NECAP2: variants seen among roughly 807,000 people sequenced by gnomAD.
NECAP2 encodes the protein adaptin ear-binding coat-associated protein 2.
Under a neutral mutation model 37.8 loss-of-function variants are expected in NECAP2, and 38 were observed. The ratio of observed to expected loss-of-function variants is 1.01; its 90% CI spans 0.78 to 1.32. The LOEUF (loss-of-function observed/expected upper bound fraction) is 1.32, where lower values mean the gene tolerates loss of function less well. NECAP2 is among the 40% of genes most tolerant of loss of function. The pLI is 0.00. For missense variants in NECAP2, 316 were observed against 334.5 expected, an observed-to-expected ratio of 0.94 and a Z score of 0.43; for synonymous variants, 121 against 127.7, an observed-to-expected ratio of 0.95 and a Z score of 0.35.
At chr1:16,455,959 T>C in intron 7 of NECAP2, 66 bp downstream of exon 7, 1 of 1,152,878 alleles carries the variant, frequency 8.7e-7, no homozygotes. Context: ...CCTGGTATTG[T>C]TCCACATGCC....
chr1:16,444,705 G>A (rs546095367), intron 2 of NECAP2, among the ~76,000 whole-genome samples: 1 of 152,362 alleles, frequency 6.6e-6, no homozygotes, highest in Non-Finnish European at 1.5e-5. Flanking sequence ...TGGAGAGGCA[G>A]CTGCCATGGC....
intron 5 of NECAP2, chr1:16,450,247 G>A: frequency 2.7e-6 from 1 of 370,014 alleles, no homozygotes; most frequent in Non-Finnish European, 5.2e-6. Flanking sequence ...GCCAGGTAGT[G>A]GTTTTTTTTT....
chr1:16,449,863 T>TTGGGCTGGGC (rs370942211), intron 5 of NECAP2: 3 of 218,788 alleles, frequency 1.4e-5, no homozygotes, highest in South Asian at 1.2e-4. Flanking sequence ...TAGGAACAGG[T>TTGGGCTGGGC]TGGGCTGGGC....
chr1:16,442,196 T>C (rs777491257), intron 1 of NECAP2, among the ~76,000 whole-genome samples: 6 of 152,210 alleles, frequency 3.9e-5, no homozygotes, highest in Admixed American at 6.5e-5. Context: ...CAGGCTGGTC[T>C]CGAACTCCCT....
At chr1:16,448,739 C>T (rs999773628) in intron 4 of NECAP2, among the ~76,000 whole-genome samples, 15 of 152,222 alleles carry the variant, frequency 9.9e-5, no homozygotes, top group Middle Eastern at 3.4e-3. Context: ...GTGTAGAGAC[C>T]GCATCTTAGT....
intron 1 of NECAP2, among the ~76,000 whole-genome samples, chr1:16,443,015 G>A (rs960857854): frequency 9.2e-5 from 14 of 152,214 alleles, no homozygotes; most frequent in Admixed American, 9.2e-4. Flanking sequence ...ATGTACTGTT[G>A]TTCTCCTTTT....
At chr1:16,450,280 GTT>G in intron 5 of NECAP2, 8 of 361,394 alleles carry the variant, frequency 2.2e-5, no homozygotes, top group Admixed American at 1.1e-4. Context: ...TTTTTGTTTT[GTT>G]TTGTTGTTTT....
chr1:16,455,769 C>A, intron 6 of NECAP2, 49 bp from the exon 7 acceptor site: 2 of 1,468,404 alleles, frequency 1.4e-6, no homozygotes, highest in Admixed American at 3.3e-5. Context: ...TCTCTGACTT[C>A]TCTGTCCCCT....
intron 4 of NECAP2, 86 bp downstream of exon 4, chr1:16,448,227 T>C (rs2086791302): frequency 2.3e-6 from 3 of 1,307,684 alleles, no homozygotes; most frequent in Non-Finnish European, 3.3e-6. Context: ...ACCCAAGTGT[T>C]TGTGTGTGAT....
chr1:16,457,462 TAAAC>T (rs995792134), intron 7 of NECAP2, among the ~76,000 whole-genome samples: 89 of 151,760 alleles, frequency 5.9e-4, no homozygotes, highest in African/African-American at 2.0e-3. Flanking sequence ...AAAAAACAAA[TAAAC>T]AAACAAAAAA....
rs1042122116 is a variant in NECAP2, at chr1:16,447,816, C to G, written c.194-54C>G. On this transcript the variant is annotated intron_variant, in intron 2 of 7. Transcript: ENST00000337132. Reference sequence around the variant, plus strand: ...AAAGGCCCAGTAGTGTGGTAGAAAACCTTGGCTGGAAGGGGGCTCAGGGCT... The same window carrying G: ...AAAGGCCCAGTAGTGTGGTAGAAAAGCTTGGCTGGAAGGGGGCTCAGGGCT... 7.4e-6 allele frequency: 11 copies of G among 1,482,800 alleles called. No individual in the cohort carries two copies. The African/African-American group carries it at 1.4e-4, about 19-fold the overall frequency. 91.9% of individuals were successfully genotyped at this position (1,482,800 alleles called of 1,614,324 possible). A position where few individuals can be genotyped will look rare whatever the true frequency, so the allele number is the denominator to read the frequency against.
intron 2 of NECAP2, among the ~76,000 whole-genome samples, 188 bp from the exon 3 acceptor site, chr1:16,447,682 T>C (rs186086188): frequency 6.6e-6 from 1 of 152,344 alleles, no homozygotes; most frequent in Admixed American, 6.5e-5. Context: ...CTTAAGCCTT[T>C]CCTTGATTAT....
intron 6 of NECAP2, among the ~76,000 whole-genome samples, chr1:16,453,424 G>A (rs540010096): frequency 2.6e-5 from 4 of 151,668 alleles, no homozygotes; most frequent in South Asian, 2.1e-4. Flanking sequence ...GTTTGTTCTT[G>A]TTTGTGTGTT....
chr1:16,451,956 C>T lies in NECAP2; in HGVS notation c.608C>T (p.Pro203Leu). 1 of 1,612,536 alleles carries T rather than the reference C, an allele frequency of 6.2e-7. No individual in the cohort carries two copies. The highest frequency in any genetic ancestry group is 8.5e-7 in the Non-Finnish European group (1 of 1,179,134). Reference sequence around the variant, plus strand: ...AAAACCTCCACCCTGATCCCTCCCCCTGGGGAGCAGTTGGCTGTGGGGGGA... The same window carrying T: ...AAAACCTCCACCCTGATCCCTCCCCTTGGGGAGCAGTTGGCTGTGGGGGGA... ...GGKTSTLIPP[P>L]GEQLAVGGSL... The change falls in exon 6 of 8, where the codon CCT becomes CTT. Residue 203 changes from proline to leucine, a missense_variant. Pro to Leu is a moderately conservative substitution (Grantham distance 98). Coordinates refer to ENST00000337132, the MANE Select transcript of NECAP2 (RefSeq NM_018090.5).
At chr1:16,452,124 G>A (rs1557690503) in intron 6 of NECAP2, 109 bp downstream of exon 6, 1 of 1,107,400 alleles carries the variant, frequency 9.0e-7, no homozygotes, top group East Asian at 2.6e-5. Flanking sequence ...TGGTCATGTA[G>A]TACCTGTCCG....
In NECAP2 at chr1:16,448,112, C is replaced by T; in HGVS notation, c.351C>T (p.Asp117=). ...TCGGGGACCGAGGTGATGCCTTTGA[C>T]TTCAATGTTGCATTGCAGGACCATT... ...IGFGDRGDAF[D]FNVALQDHFK... is the part of the protein sequence containing the mutation. The change falls in exon 4 of 8, where the codon GAC becomes GAT. Residue 117 remains aspartate, a synonymous_variant. Coordinates refer to ENST00000337132, the MANE Select transcript of NECAP2 (RefSeq NM_018090.5). The T allele has an allele frequency of 6.2e-7, 1 of 1,614,164 alleles. No homozygotes were observed. Among genetic ancestry groups the T allele is most frequent in the Non-Finnish European group, 8.5e-7 (1 of 1,180,028 alleles).
Position 16,440,834 on chromosome 1 carries a change from G to T in NECAP2, c.73G>T (p.Ala25Ser). The change falls in exon 1 of 8, where the codon GCT (alanine) becomes TCT (serine). Residue 25 changes from alanine to serine, a missense_variant. This residue lies in a region of NECAP2 where 81 missense variants were observed against 124.2 expected (regional missense o/e 0.65). Transcript: ENST00000337132. ...DVHVYRIPPRATNRGYRAAEW... is the reference protein window; with the variant it reads ...DVHVYRIPPRSTNRGYRAAEW... Reference sequence around the variant, plus strand: ...CCACGTCTACCGCATCCCTCCGCGGGCTACCAACCGTGGCTACAGGTGACT... The same window carrying T: ...CCACGTCTACCGCATCCCTCCGCGGTCTACCAACCGTGGCTACAGGTGACT... 1.2e-6 allele frequency: 2 copies of T among 1,614,134 alleles called. No individual in the cohort carries two copies. Among genetic ancestry groups the T allele is most frequent in the Non-Finnish European group, 1.7e-6 (2 of 1,179,956 alleles).
At chr1:16,450,900 A>G (rs1474459492) in intron 5 of NECAP2, 1 of 152,236 alleles carries the variant, frequency 6.6e-6, no homozygotes, top group African/African-American at 2.4e-5. Flanking sequence ...GTGAGCTGAG[A>G]TCGAGCCATT....
chr1:16,456,146 C>T (rs923688361), intron 7 of NECAP2, among the ~76,000 whole-genome samples: 1 of 151,806 alleles, frequency 6.6e-6, no homozygotes, highest in Non-Finnish European at 1.5e-5. Context: ...GCCTCAGCCT[C>T]CTGAGTAGCT....
Sources: gnomAD v4.1 joint callset for allele counts (sites outside exome capture counted in the v4.1 genomes callset) on GRCh38, gnomAD v4.1.1 for gene constraint, gnomAD v4.1.1 regional missense constraint, MANE v1.5 for transcripts, NCBI Gene and HGNC (gene_info 2026-07-23, HGNC 2026-07-21) for gene names.